The following REV3L variants were observed in gnomAD, a reference collection of about 807,000 sequenced individuals.
REV3L encodes the protein DNA polymerase zeta catalytic subunit.
REV3L carries 69 observed loss-of-function variants against 299.4 expected under a neutral mutation model. The observed-to-expected ratio is 0.23, with a 90% CI of 0.19 to 0.28. REV3L has a LOEUF of 0.28. REV3L is among the 10% of genes least tolerant of loss of function. The pLI is 1.00. For synonymous variants in REV3L, 1,238 were observed against 1,271.4 expected, an observed-to-expected ratio of 0.97 and a Z score of 0.56; for missense variants, 3,128 against 3,693.8, an observed-to-expected ratio of 0.85 and a Z score of 3.97.
At position 111,367,853 on chromosome 6, in the gene REV3L, C is replaced by T; in HGVS notation, c.5935G>A (p.Gly1979Arg). 6.2e-7 allele frequency: 1 copy of T among 1,614,122 alleles called. No individual in the cohort carries two copies. The highest frequency in any genetic ancestry group is 8.5e-7 in the Non-Finnish European group (1 of 1,179,998). Residue 1979 changes from glycine (G) to arginine (R), a missense_variant, in exon 14 of 32, where the codon GGG becomes AGG. Gly to Arg is a moderately radical substitution (Grantham distance 125). This residue lies in a region of REV3L where 2,409 missense variants were observed against 2,611.8 expected (regional missense o/e 0.92). Transcript: ENST00000368802. ...LRSGQGVVNK[G>R]SSNSPKMVED... The stretch of plus-strand genomic sequence containing the variant: ...ACCATCTTAGGGCTATTACTTGACC[C>T]TTTATTGACAACTCCTTGGCCACTG...
In REV3L at chr6:111,431,372, C is replaced by A. The variant is rs1280409046; in HGVS notation, c.140-14900G>T. The A allele has an allele frequency of 3.1e-6, 3 of 975,586 alleles. No homozygotes were observed. In the African/African-American group the frequency reaches 4.8e-5, roughly 16 times the overall value. The allele number at this position is 975,586 out of a possible 1,614,324, so 60.4% of individuals were successfully genotyped here. ...ATGTCTGGACTCCAATACTTCAAGA[C>A]AGGCTCATAGCGCTGAAAGCAGTAA... On this transcript the variant is annotated intron_variant, in intron 1 of 31. Coordinates refer to ENST00000368802, the MANE Select transcript of REV3L (RefSeq NM_001372078.1).
intron 1 of REV3L, among the ~76,000 whole-genome samples, chr6:111,418,292 A>G (rs1227377301): frequency 6.6e-6 from 1 of 152,222 alleles, no homozygotes; most frequent in Non-Finnish European, 1.5e-5. Flanking sequence ...TTTTATAGTC[A>G]ATATATCTCA....
Position 111,442,558 on chromosome 6 carries a change from T to C in REV3L, c.140-26086A>G, listed in dbSNP as rs79299824. Among the ~76,000 whole-genome samples the C allele has an allele frequency of 2.0e-5, 3 of 152,338 alleles. No homozygotes were observed. In the East Asian group the frequency reaches 5.8e-4, roughly 29 times the overall value. On this transcript the variant is annotated intron_variant, in intron 1 of 31. Transcript: ENST00000368802. ...TATGATTCTTATGAGCTGCATATGG[T>C]AGTGCTTTGCATTTTAAGTTAGAAT... is the stretch of plus-strand genomic sequence containing the variant.
At chr6:111,471,934 T>G in intron 1 of REV3L, 1 of 793,396 alleles carries the variant, frequency 1.3e-6, no homozygotes, top group Non-Finnish European at 1.6e-6. Context: ...TAAGGGTGAG[T>G]AGGATTTACC....
At chr6:111,422,931 A>C (rs1192634726) in intron 1 of REV3L, among the ~76,000 whole-genome samples, 1 of 151,778 alleles carries the variant, frequency 6.6e-6, no homozygotes, top group Admixed American at 6.6e-5. Context: ...ATTGGCTTTA[A>C]ATGATTAATC....
chr6:111,339,423 T>C (rs1234899764), intron 21 of REV3L, among the ~76,000 whole-genome samples: 1 of 152,124 alleles, frequency 6.6e-6, no homozygotes, highest in African/African-American at 2.4e-5. Flanking sequence ...AATGAGTAAC[T>C]GTCTTGTTAA....
chr6:111,380,928 T>G (rs1326404121), intron 10 of REV3L, among the ~76,000 whole-genome samples: 2 of 152,206 alleles, frequency 1.3e-5, no homozygotes, highest in Non-Finnish European at 2.9e-5. Flanking sequence ...GCCAGTGAGA[T>G]GAGGAGGCTG....
chr6:111,387,967 T>C (rs752376019), intron 8 of REV3L, 34 bp downstream of exon 8: 7 of 1,606,608 alleles, frequency 4.4e-6, no homozygotes, highest in Non-Finnish European at 6.0e-6. Flanking sequence ...AGGAATAAAA[T>C]TAGTTCTGAG....
intron 25 of REV3L, among the ~76,000 whole-genome samples, chr6:111,326,392 C>A (rs761039028): frequency 1.1e-4 from 17 of 151,848 alleles, no homozygotes; most frequent in Non-Finnish European, 1.8e-4. Flanking sequence ...AAATGCAAAT[C>A]AAAATTATAA....
At chr6:111,320,075 CT>C (rs569599284) in intron 26 of REV3L, among the ~76,000 whole-genome samples, 13 of 126,994 alleles carry the variant, frequency 1.0e-4, no homozygotes, top group South Asian at 5.0e-4. Context: ...TGCACCTGGC[CT>C]TTTTTTTTTG....
chr6:111,329,795 T>C, intron 24 of REV3L, 57 bp from the exon 25 acceptor site: 2 of 1,320,084 alleles, frequency 1.5e-6, no homozygotes, highest in Non-Finnish European at 2.1e-6. Flanking sequence ...TTTACATAAT[T>C]AAGAAGGAAG....
chr6:111,332,468 A>C (rs989556888), intron 23 of REV3L, among the ~76,000 whole-genome samples: 3 of 152,194 alleles, frequency 2.0e-5, no homozygotes, highest in Non-Finnish European at 2.9e-5. Flanking sequence ...AAATACTGTA[A>C]ATCTTGTAAA....
chr6:111,429,576 A>C (rs1786612764), intron 1 of REV3L, among the ~76,000 whole-genome samples: 1 of 152,276 alleles, frequency 6.6e-6, no homozygotes, highest in Admixed American at 6.5e-5. Context: ...TCTACCAAAA[A>C]CAGTAATACT....
chr6:111,338,312 C>CTTTTTTTTT lies in REV3L; in HGVS notation c.7539-2711_7539-2703dup, dbSNP rs144497761. 2.9e-4 allele frequency among the ~76,000 whole-genome samples: 14 copies of CTTTTTTTTT among 47,936 alleles called. 1 individual carries two copies. The highest frequency in any genetic ancestry group is 1.2e-3 in the East Asian group (1 of 832). The allele number at this position is 47,936 out of a possible 152,430, so 31.4% of individuals were successfully genotyped here. A position where few individuals can be genotyped will look rare whatever the true frequency, so the allele number is the denominator to read the frequency against. On this transcript the variant is annotated intron_variant, in intron 21 of 31. Coordinates refer to ENST00000368802, the MANE Select transcript of REV3L (RefSeq NM_001372078.1). ...TCTTTGTTTACTCCAGTCTAAAGTCCTTTTTTTTTTTTTTTTTTTTTTTTT... is the reference window on the plus strand; with the variant it reads ...TCTTTGTTTACTCCAGTCTAAAGTCCTTTTTTTTTTTTTTTTTTTTTTTTTTTTTTTTTT...
At chr6:111,308,376 C>T (rs1772576855) in intron 30 of REV3L, 1 of 364,496 alleles carries the variant, frequency 2.7e-6, no homozygotes, top group Non-Finnish European at 5.6e-6. Context: ...GTGCTCAGAA[C>T]ACTTAGTAAC....
intron 9 of REV3L, among the ~76,000 whole-genome samples, chr6:111,383,747 C>G (rs1781062690): frequency 6.6e-6 from 1 of 150,818 alleles, no homozygotes; most frequent in Non-Finnish European, 1.5e-5. Context: ...TTCACAGAAA[C>G]AGAAAAAAAA....
In REV3L at chr6:111,363,865, T is replaced by C. The variant is rs767317558; in HGVS notation, c.6867A>G (p.Lys2289=). The change falls in exon 16 of 32, where the codon AAA becomes AAG. Residue 2289 remains lysine (K), a synonymous_variant. Coordinates refer to ENST00000368802, the MANE Select transcript of REV3L (RefSeq NM_001372078.1). ...GTTGCAGTTTTACCTCATGTAAAGC[T>C]TTTGCCTCCTGTAAGTTTTGTATGC... ...KVSIQNLQEA[K]ALHEIQNLTL... The C allele has an allele frequency of 1.2e-6, 2 of 1,613,358 alleles. No homozygotes were observed. The highest frequency in any genetic ancestry group is 1.7e-6 in the Non-Finnish European group (2 of 1,179,632).
chr6:111,461,096 A>G (rs1790716779), intron 1 of REV3L, among the ~76,000 whole-genome samples: 1 of 152,128 alleles, frequency 6.6e-6, no homozygotes, highest in Non-Finnish European at 1.5e-5. Flanking sequence ...CTACTTACAT[A>G]AAAAGGAAAG....
chr6:111,408,823 G>A (rs564361991), intron 3 of REV3L, among the ~76,000 whole-genome samples: 2 of 152,014 alleles, frequency 1.3e-5, no homozygotes, highest in Non-Finnish European at 1.5e-5. Context: ...TAGCTAAGAC[G>A]ATAGGTGCTT....
Sources: gnomAD v4.1 joint callset for allele counts (sites outside exome capture counted in the v4.1 genomes callset) on GRCh38, gnomAD v4.1.1 for gene constraint, gnomAD v4.1.1 regional missense constraint, MANE v1.5 for transcripts, NCBI Gene and HGNC (gene_info 2026-07-23, HGNC 2026-07-21) for gene names.